Variants in LRBA observed in about 807,000 individuals in gnomAD.
LRBA encodes LPS responsive beige-like anchor protein, also known as lipopolysaccharide-responsive and beige-like anchor protein.
A neutral mutation model predicts 330.0 loss-of-function variants in LRBA; 176 were observed. The observed-to-expected ratio is 0.53, with a 90% CI of 0.47 to 0.60. The LOEUF is 0.60. Among genes scored for constraint, LRBA ranks in the 20% least tolerant of loss-of-function variants. The pLI is 0.00. For synonymous variants in LRBA, 1,230 were observed against 1,193.0 expected, an observed-to-expected ratio of 1.03 and a Z score of -0.64; for missense variants, 3,259 against 3,444.8, an observed-to-expected ratio of 0.95 and a Z score of 1.35.
At chr4:150,539,758 G>A (rs1028114909) in intron 40 of LRBA, among the ~76,000 whole-genome samples, 1 of 152,148 alleles carries the variant, frequency 6.6e-6, no homozygotes, top group African/African-American at 2.4e-5. Flanking sequence ...CAGTAACTGA[G>A]ATACATATAC....
intron 35 of LRBA, among the ~76,000 whole-genome samples, chr4:150,747,753 C>T (rs1317943676): frequency 2.0e-5 from 3 of 152,194 alleles, no homozygotes; most frequent in Non-Finnish European, 4.4e-5. Flanking sequence ...TCCTCCGCTG[C>T]ACTACCTACA....
chr4:151,008,592 G>GA lies in LRBA; in HGVS notation c.216+5834dup, dbSNP rs1323138624. ...CTGTATTTTCAATTCGAGTTTGGTT[G>GA]AAAAAAAAAATCACCATATAAATGG... is the stretch of plus-strand genomic sequence containing the variant. On this transcript the variant is annotated intron_variant, in intron 2 of 56. Transcript: ENST00000651943. Among the ~76,000 whole-genome samples the GA allele has an allele frequency of 3.2e-3, 476 of 148,014 alleles. 10 individuals carry two copies. Among genetic ancestry groups the GA allele is most frequent in the Admixed American group, 0.03 (443 of 14,836 alleles).
chr4:150,705,553 C>A (rs1253809344), intron 36 of LRBA, among the ~76,000 whole-genome samples: 4 of 151,950 alleles, frequency 2.6e-5, no homozygotes, highest in African/African-American at 9.7e-5. Flanking sequence ...AAAGTTAAAA[C>A]AACCACAACC....
chr4:150,990,889 C>T (rs1209807073), intron 2 of LRBA, among the ~76,000 whole-genome samples: 2 of 151,922 alleles, frequency 1.3e-5, no homozygotes, highest in African/African-American at 4.8e-5. Flanking sequence ...CATGGTGGTG[C>T]ACACCTGTAA....
intron 17 of LRBA, among the ~76,000 whole-genome samples, chr4:150,886,188 AT>A (rs1728920660): frequency 6.6e-6 from 1 of 152,194 alleles, no homozygotes; most frequent in African/African-American, 2.4e-5. Flanking sequence ...AACTTGGAGA[AT>A]TACTCATATG....
chr4:150,467,613 C>G, intron 44 of LRBA, 60 bp downstream of exon 44: 1 of 1,040,468 alleles, frequency 9.6e-7, no homozygotes, highest in Non-Finnish European at 1.4e-6. Flanking sequence ...TAACGAAAGA[C>G]AATCCAATTT....
chr4:150,325,660 T>A (rs1439998433), intron 49 of LRBA, 149 bp downstream of exon 49: 1 of 616,966 alleles, frequency 1.6e-6, no homozygotes, highest in African/African-American at 1.8e-5. Flanking sequence ...TGCAATAACA[T>A]CTGCTGGTTG....
chr4:150,387,573 C>T (rs1451886459), intron 47 of LRBA, among the ~76,000 whole-genome samples: 1 of 152,048 alleles, frequency 6.6e-6, no homozygotes, highest in Non-Finnish European at 1.5e-5. Context: ...GAAAAAAGAT[C>T]CTACTCCTAA....
intron 22 of LRBA, among the ~76,000 whole-genome samples, chr4:150,867,378 G>A (rs186650224): frequency 7.2e-5 from 11 of 152,118 alleles, no homozygotes; most frequent in East Asian, 1.9e-4. Flanking sequence ...AGTTTTTGCC[G>A]CAACTACTTT....
intron 37 of LRBA, among the ~76,000 whole-genome samples, chr4:150,628,786 C>G (rs980299448): frequency 1.8e-4 from 28 of 152,130 alleles, no homozygotes; most frequent in Admixed American, 7.9e-4. Flanking sequence ...TTCTGTATTT[C>G]TTTGTTGAGC....
intron 33 of LRBA, among the ~76,000 whole-genome samples, chr4:150,804,664 C>A (rs531770970): frequency 6.6e-6 from 1 of 152,272 alleles, no homozygotes; most frequent in East Asian, 1.9e-4. Context: ...CATGATTTTT[C>A]AGTTTGAGGA....
intron 16 of LRBA, among the ~76,000 whole-genome samples, chr4:150,894,250 T>C (rs980427974): frequency 6.6e-6 from 1 of 152,182 alleles, no homozygotes; most frequent in Admixed American, 6.5e-5. Context: ...CTGGAATGTT[T>C]TATTCACTGT....
intron 46 of LRBA, among the ~76,000 whole-genome samples, chr4:150,428,806 T>C (rs1192621729): frequency 6.6e-6 from 1 of 152,122 alleles, no homozygotes; most frequent in Non-Finnish European, 1.5e-5. Flanking sequence ...TCAACTGCCT[T>C]TCAGAATCTC....
chr4:150,727,263 G>A (rs1013701943), intron 36 of LRBA, among the ~76,000 whole-genome samples: 55 of 151,826 alleles, frequency 3.6e-4, no homozygotes, highest in African/African-American at 1.3e-3. Context: ...TAGTAGAGAC[G>A]GGGTTTCGCC....
intron 47 of LRBA, among the ~76,000 whole-genome samples, chr4:150,407,442 C>T (rs1746355683): frequency 6.6e-6 from 1 of 151,666 alleles, no homozygotes; most frequent in African/African-American, 2.4e-5. Context: ...ATCCCACTAG[C>T]AAAACAAAAA....
At chr4:150,446,935 T>C (rs1247272438) in intron 44 of LRBA, among the ~76,000 whole-genome samples, 2 of 152,116 alleles carry the variant, frequency 1.3e-5, no homozygotes, top group African/African-American at 4.8e-5. Context: ...ATCTGATCTA[T>C]ATGGTGGGGG....
chr4:150,547,580 C>T (rs759996045), intron 40 of LRBA, among the ~76,000 whole-genome samples: 1 of 152,140 alleles, frequency 6.6e-6, no homozygotes, highest in Non-Finnish European at 1.5e-5. Flanking sequence ...TATCTGGGCA[C>T]CATTTTTCTA....
At chr4:150,427,768 C>T (rs900522248) in intron 46 of LRBA, among the ~76,000 whole-genome samples, 13 of 151,916 alleles carry the variant, frequency 8.6e-5, no homozygotes, top group African/African-American at 2.4e-4. Context: ...ACTAAATCAT[C>T]GAAGTTTAAG....
intron 47 of LRBA, among the ~76,000 whole-genome samples, chr4:150,410,089 CA>C (rs1746753117): frequency 6.6e-6 from 1 of 151,930 alleles, no homozygotes; most frequent in African/African-American, 2.4e-5. Flanking sequence ...ATTTCAATTC[CA>C]AAAATTTTTT....
Sources: allele counts gnomAD v4.1 joint callset (sites outside exome capture counted in the v4.1 genomes callset), GRCh38; gene constraint gnomAD v4.1.1; transcripts MANE v1.5; gene names NCBI Gene and HGNC (gene_info 2026-07-23, HGNC 2026-07-21).